SHROOM3: variants seen among roughly 807,000 people sequenced by gnomAD.
The protein encoded by SHROOM3 is shroom family member 3, also known as protein Shroom3.
SHROOM3 carries 47 observed loss-of-function variants against 138.6 expected under a neutral mutation model. The observed-to-expected ratio is 0.34, with a 90% CI of 0.27 to 0.43. SHROOM3 has a LOEUF of 0.43. Among genes scored for constraint, SHROOM3 ranks in the 20% least tolerant of loss-of-function variants. The pLI is 1.00. For synonymous variants in SHROOM3, 1,062 were observed against 1,063.3 expected (o/e 1.00, Z 0.02); for missense variants, 2,491 against 2,596.5 (o/e 0.96, Z 0.88).
At chr4:76,478,976 G>A (rs1422677975) in intron 1 of SHROOM3, among the ~76,000 whole-genome samples, 1 of 151,996 alleles carries the variant, frequency 6.6e-6, no homozygotes. Context: ...CCATCTGAAG[G>A]TCACCAACAT....
chr4:76,451,603 A>C (rs1024207653), intron 1 of SHROOM3, among the ~76,000 whole-genome samples: 2 of 152,216 alleles, frequency 1.3e-5, no homozygotes, highest in Non-Finnish European at 2.9e-5. Flanking sequence ...CTATATCTTA[A>C]TAGTGATATG....
intron 10 of SHROOM3, among the ~76,000 whole-genome samples, chr4:76,777,577 T>C (rs1722608219): frequency 6.6e-6 from 1 of 152,184 alleles, no homozygotes; most frequent in African/African-American, 2.4e-5. Context: ...CCAATTTGGA[T>C]GCCCTTTCTT....
chr4:76,470,430 G>A (rs148219432), intron 1 of SHROOM3, among the ~76,000 whole-genome samples: 8 of 152,190 alleles, frequency 5.3e-5, no homozygotes, highest in Non-Finnish European at 8.8e-5. Context: ...AATTAGAGGA[G>A]CACTTTTAGA....
chr4:76,504,952 T>C (rs11729652), intron 1 of SHROOM3, among the ~76,000 whole-genome samples: 18,115 of 152,228 alleles, frequency 0.12, 1,301 homozygotes, highest in East Asian at 0.23. Context: ...CCTGGGAGAA[T>C]ACACACTTGT....
chr4:76,579,479 T>TAAAC (rs759983752), intron 2 of SHROOM3, among the ~76,000 whole-genome samples: 23 of 152,160 alleles, frequency 1.5e-4, no homozygotes, highest in South Asian at 4.1e-4. Context: ...AAAATAATAA[T>TAAAC]AAACAAACAA....
chr4:76,499,695 T>C (rs1275312148), intron 1 of SHROOM3, among the ~76,000 whole-genome samples: 1 of 152,158 alleles, frequency 6.6e-6, no homozygotes, highest in Admixed American at 6.5e-5. Context: ...CATGGGTCTC[T>C]GGGTGCACAG....
intron 2 of SHROOM3, among the ~76,000 whole-genome samples, chr4:76,630,176 G>A (rs952172682): frequency 3.9e-5 from 6 of 152,140 alleles, no homozygotes; most frequent in African/African-American, 1.4e-4. Flanking sequence ...TGAACTAGGG[G>A]TCATCTACTA....
At position 76,720,279 on chromosome 4, in the gene SHROOM3, T is replaced by G. The variant is rs143389385; in HGVS notation, c.455+9992T>G. ...GCAGTGGTTCAGGCCTGTAATCCCT[T>G]TGCTAATGGAGTGTTGAAGGACAAT... On this transcript the variant is annotated intron_variant, in intron 3 of 10. Transcript: ENST00000296043. 3.5e-3 allele frequency among the ~76,000 whole-genome samples: 535 copies of G among 151,002 alleles called. 4 individuals are homozygous for G. Among genetic ancestry groups the G allele is most frequent in the African/African-American group, 0.012 (491 of 41,092 alleles).
intron 2 of SHROOM3, among the ~76,000 whole-genome samples, chr4:76,635,418 C>A (rs1328828586): frequency 6.6e-6 from 1 of 152,186 alleles, no homozygotes; most frequent in South Asian, 2.1e-4. Flanking sequence ...AAAGAAAAAA[C>A]CAGAACCAAA....
intron 4 of SHROOM3, among the ~76,000 whole-genome samples, chr4:76,735,496 T>TAGAG (rs1430022386): frequency 6.6e-6 from 1 of 151,956 alleles, no homozygotes; most frequent in African/African-American, 2.4e-5. Flanking sequence ...CTGGTCTGAT[T>TAGAG]AGAGATATGT....
chr4:76,461,732 GA>G (rs35954398), intron 1 of SHROOM3, among the ~76,000 whole-genome samples: 15,261 of 152,036 alleles, frequency 0.1, 851 homozygotes, highest in South Asian at 0.19. Flanking sequence ...TTTTGAAGGG[GA>G]AAAAAATGTT....
rs557281248 is a variant in SHROOM3 at position 76,740,567 on chromosome 4, G to A, written c.2394G>A (p.Pro798=). 2.8e-5 allele frequency: 45 copies of A among 1,614,166 alleles called. No individual in the cohort carries two copies. In the South Asian group the frequency reaches 3.7e-4, roughly 13 times the overall value. ...AGCGAGAGCAAGGGAGCCAGAGACCGAGTGTGGGCGGCTCTGGTTTTGGCC... is the reference window on the plus strand; with the variant it reads ...AGCGAGAGCAAGGGAGCCAGAGACCAAGTGTGGGCGGCTCTGGTTTTGGCC... ...FEQREQGSQR[P]SVGGSGFGHN... The change falls in exon 5 of 11, where the codon CCG becomes CCA. Residue 798 remains proline, a synonymous_variant. Transcript: ENST00000296043. The surrounding 1 kb of genome is among the most constrained non-coding windows in gnomAD (Gnocchi z 4.0).
intron 2 of SHROOM3, among the ~76,000 whole-genome samples, chr4:76,596,624 A>ACACACACACACACT (rs1491306498): frequency 2.8e-5 from 4 of 141,492 alleles, no homozygotes; most frequent in African/African-American, 1.1e-4. Context: ...ACACACACAC[A>ACACACACACACACT]CTCTCCAACA....
chr4:76,519,658 G>A (rs1732522348), intron 1 of SHROOM3, among the ~76,000 whole-genome samples: 1 of 152,170 alleles, frequency 6.6e-6, no homozygotes, highest in African/African-American at 2.4e-5. Flanking sequence ...TGCCAAAATA[G>A]TGCCTTCCTA....
intron 9 of SHROOM3, among the ~76,000 whole-genome samples, chr4:76,760,268 A>G (rs1287889887): frequency 6.6e-6 from 1 of 152,200 alleles, no homozygotes; most frequent in Non-Finnish European, 1.5e-5. Flanking sequence ...ACTCCTACAG[A>G]GATTTCAAAT....
intron 2 of SHROOM3, among the ~76,000 whole-genome samples, chr4:76,667,514 C>A (rs548273527): frequency 6.6e-6 from 1 of 151,946 alleles, no homozygotes; most frequent in Non-Finnish European, 1.5e-5. Flanking sequence ...GAAACAAGGT[C>A]TCACTCTGTT....
chr4:76,697,915 T>G (rs1719791974), intron 2 of SHROOM3, among the ~76,000 whole-genome samples: 1 of 152,034 alleles, frequency 6.6e-6, no homozygotes, highest in African/African-American at 2.4e-5. Flanking sequence ...ATTCAAGCAT[T>G]TATGACACTA....
chr4:76,472,213 T>C (rs1731390102), intron 1 of SHROOM3, among the ~76,000 whole-genome samples: 1 of 152,192 alleles, frequency 6.6e-6, no homozygotes, highest in African/African-American at 2.4e-5. Context: ...TCATGTGGAT[T>C]GGGGCAAAAC....
intron 3 of SHROOM3, among the ~76,000 whole-genome samples, chr4:76,714,922 C>T (rs1720329200): frequency 6.6e-6 from 1 of 152,032 alleles, no homozygotes; most frequent in Non-Finnish European, 1.5e-5. Context: ...CCATCGAGAG[C>T]TCTTTTGAGC....
Sources: allele counts gnomAD v4.1 joint callset (sites outside exome capture counted in the v4.1 genomes callset), GRCh38; gene constraint gnomAD v4.1.1; non-coding constraint Gnocchi (gnomAD v3.1); transcripts MANE v1.5; gene names NCBI Gene and HGNC (gene_info 2026-07-23, HGNC 2026-07-21).